The following SLIT3 variants were observed in gnomAD, a reference collection of about 807,000 sequenced individuals.
SLIT3 encodes slit guidance ligand 3, also known as slit homolog 3 protein.
SLIT3 carries 68 observed loss-of-function variants against 184.0 expected under a neutral mutation model. The observed-to-expected ratio is 0.37, with a 90% CI of 0.30 to 0.45. SLIT3 has a LOEUF of 0.45. SLIT3 is among the 20% of genes least tolerant of loss of function. SLIT3 has a pLI of 1.00. For missense variants in SLIT3, 1,707 were observed against 2,026.0 expected, an observed-to-expected ratio of 0.84 and a Z score of 3.02; for synonymous variants, 831 against 828.6, an observed-to-expected ratio of 1.00 and a Z score of -0.05.
intron 3 of SLIT3, among the ~76,000 whole-genome samples, chr5:169,228,072 A>G (rs1376917503): frequency 6.6e-6 from 1 of 152,214 alleles, no homozygotes. Flanking sequence ...TGATGGCCCT[A>G]CTGAATCAAT....
Position 169,300,020 on chromosome 5 carries a change from T to C in SLIT3, c.197+493A>G, listed in dbSNP as rs1311334182. Among the ~76,000 whole-genome samples, 1 of 152,172 alleles carries C rather than the reference T, an allele frequency of 6.6e-6. No homozygotes were observed. The highest frequency in any genetic ancestry group is 2.4e-5 in the African/African-American group (1 of 41,450). ...TTAAACCTTCACCCACACTCTCAAC[T>C]TTCCTTGCAAGGGCAGCCAGAGAGC... On this transcript the variant is annotated intron_variant, in intron 1 of 35. Transcript: ENST00000519560. This position sits in a 1 kb window ranked among gnomAD's most constrained non-coding sequence, Gnocchi z 4.1.
chr5:169,001,957 A>G (rs1182783406), intron 4 of SLIT3, among the ~76,000 whole-genome samples: 1 of 151,802 alleles, frequency 6.6e-6, no homozygotes, highest in Non-Finnish European at 1.5e-5. Flanking sequence ...AGGTTTTTAG[A>G]GTAGGGAGAG....
intron 4 of SLIT3, among the ~76,000 whole-genome samples, chr5:168,913,145 T>G (rs1761309030): frequency 1.3e-5 from 2 of 152,206 alleles, no homozygotes; most frequent in African/African-American, 4.8e-5. Flanking sequence ...GCTCAGAACT[T>G]ACTAGGTTGG....
chr5:168,966,068 T>C (rs139246088), intron 4 of SLIT3, among the ~76,000 whole-genome samples: 227 of 152,316 alleles, frequency 1.5e-3, no homozygotes, highest in African/African-American at 5.1e-3. Context: ...GATTATGAGA[T>C]ACGATTGTGA....
intron 23 of SLIT3, among the ~76,000 whole-genome samples, chr5:168,717,580 G>A (rs1173031509): frequency 6.6e-6 from 1 of 152,110 alleles, no homozygotes; most frequent in Non-Finnish European, 1.5e-5. Context: ...GTTAAGCACA[G>A]CAACTAACCG....
chr5:169,246,140 C>T (rs1259899820), intron 2 of SLIT3, among the ~76,000 whole-genome samples: 2 of 152,158 alleles, frequency 1.3e-5, no homozygotes, highest in African/African-American at 2.4e-5. Context: ...CACACCCACA[C>T]CCCGCAAAAG....
chr5:169,188,452 C>G (rs1047170702), intron 4 of SLIT3, among the ~76,000 whole-genome samples: 1 of 152,312 alleles, frequency 6.6e-6, no homozygotes, highest in Non-Finnish European at 1.5e-5. Context: ...AGATCATGCT[C>G]CATCCTGTCC....
intron 1 of SLIT3, among the ~76,000 whole-genome samples, chr5:169,259,488 A>T (rs767692710): frequency 5.9e-5 from 9 of 152,170 alleles, no homozygotes; most frequent in Non-Finnish European, 1.2e-4. Flanking sequence ...TGATAGTGAG[A>T]TCTGTGATAG....
In SLIT3 at chr5:168,814,963, T is replaced by C. The variant is rs150665809; in HGVS notation, c.793+2337A>G. Among the ~76,000 whole-genome samples the C allele has an allele frequency of 4.4e-3, 675 of 152,318 alleles. 4 individuals carry two copies. Among genetic ancestry groups the C allele is most frequent in the African/African-American group, 0.016 (647 of 41,580 alleles). ...TAGGTGGTAACCCATGGGAGTCTGC[T>C]AAGGCACTTAAAGAATCCCTCATGC... is the stretch of plus-strand genomic sequence containing the variant. On this transcript the variant is annotated intron_variant, in intron 8 of 35. Transcript: ENST00000519560.
chr5:168,705,413 C>G (rs1345473694), intron 26 of SLIT3, among the ~76,000 whole-genome samples: 1 of 152,120 alleles, frequency 6.6e-6, no homozygotes. Flanking sequence ...AATGCTGGCT[C>G]TTATGTTACT....
At chr5:168,716,830 G>A (rs1398780991) in intron 23 of SLIT3, among the ~76,000 whole-genome samples, 3 of 150,846 alleles carry the variant, frequency 2.0e-5, no homozygotes, top group African/African-American at 7.5e-5. Flanking sequence ...GCTAGCCTGC[G>A]ATGGGGAAGC....
chr5:169,219,196 C>G (rs562780787), intron 3 of SLIT3, among the ~76,000 whole-genome samples: 1 of 152,262 alleles, frequency 6.6e-6, no homozygotes, highest in East Asian at 1.9e-4. Flanking sequence ...AGAAAAAAGA[C>G]CACAGGAGAC....
intron 1 of SLIT3, among the ~76,000 whole-genome samples, chr5:169,298,039 A>T (rs1304729492): frequency 1.3e-5 from 2 of 152,174 alleles, no homozygotes; most frequent in Admixed American, 1.3e-4. Flanking sequence ...TGGCTGAGAG[A>T]GAGTGTGGTG....
chr5:169,063,919 C>T (rs574006979), intron 4 of SLIT3, among the ~76,000 whole-genome samples: 7 of 152,226 alleles, frequency 4.6e-5, no homozygotes, highest in South Asian at 2.1e-4. Context: ...ACACAAATGC[C>T]GTATTTATGC....
intron 32 of SLIT3, among the ~76,000 whole-genome samples, chr5:168,681,605 T>C (rs1761593623): frequency 1.3e-5 from 2 of 152,150 alleles, no homozygotes; most frequent in African/African-American, 4.8e-5. Flanking sequence ...GCCACCTACC[T>C]GCTCAAACTC....
chr5:168,794,356 C>CCTG lies in SLIT3; in HGVS notation c.1007+1150_1007+1151insCAG, dbSNP rs1561936617. ...AAAGGGAAGGAGTATCTGTGCAGAA[C>CCTG]TGATGGCAATGGTTGGGCTGTTTCT... is the stretch of plus-strand genomic sequence containing the variant. On this transcript the variant is annotated intron_variant, in intron 10 of 35. Transcript: ENST00000519560. Among the ~76,000 whole-genome samples, 380 of 151,928 alleles carry CCTG rather than the reference C, an allele frequency of 2.5e-3. 2 individuals are homozygous for CCTG. Among genetic ancestry groups the CCTG allele is most frequent in the African/African-American group, 8.2e-3 (340 of 41,400 alleles).
chr5:168,913,749 A>AC (rs1466292687), intron 4 of SLIT3, among the ~76,000 whole-genome samples: 1 of 151,446 alleles, frequency 6.6e-6, no homozygotes, highest in Admixed American at 6.6e-5. Context: ...CTCAAAAAAA[A>AC]AAACAAACAA....
At chr5:168,817,520 C>A in intron 7 of SLIT3, 57 bp from the exon 8 acceptor site, 4 of 1,571,388 alleles carry the variant, frequency 2.5e-6, no homozygotes, top group Non-Finnish European at 2.6e-6. Context: ...TGGAGGCTGT[C>A]ACTGGCCAGA....
chr5:169,054,049 C>A (rs1450909990), intron 4 of SLIT3, among the ~76,000 whole-genome samples: 2 of 151,976 alleles, frequency 1.3e-5, no homozygotes, highest in African/African-American at 4.8e-5. Context: ...CAACATCATG[C>A]CACTGCACTC....
Sources: gnomAD v4.1 joint callset for allele counts (sites outside exome capture counted in the v4.1 genomes callset) on GRCh38, gnomAD v4.1.1 for gene constraint, Gnocchi (gnomAD v3.1) non-coding constraint, MANE v1.5 for transcripts, NCBI Gene and HGNC (gene_info 2026-07-23, HGNC 2026-07-21) for gene names.